STARD13: variants seen among roughly 807,000 people sequenced by gnomAD.
STARD13 encodes the protein stAR-related lipid transfer protein 13.
STARD13 carries 62 observed loss-of-function variants against 106.4 expected under a neutral mutation model. The ratio of observed to expected loss-of-function variants is 0.58; its 90% confidence interval spans 0.48 to 0.72. STARD13 has a LOEUF of 0.72. Ranked by LOEUF, STARD13 falls within the 30% of genes least tolerant of loss-of-function variation. The pLI is 0.00. For synonymous variants in STARD13, 565 were observed against 553.0 expected (o/e 1.02, Z -0.31); for missense variants, 1,387 against 1,424.0 (o/e 0.97, Z 0.42).
At chr13:33,127,950 G>A (rs903944914) in intron 5 of STARD13, among the ~76,000 whole-genome samples, 2 of 151,928 alleles carry the variant, frequency 1.3e-5, no homozygotes, top group African/African-American at 4.8e-5. Context: ...GACGGAGACA[G>A]GGAGATATAG....
At chr13:33,315,971 G>A (rs896656940) in intron 1 of STARD13, among the ~76,000 whole-genome samples, 7 of 151,990 alleles carry the variant, frequency 4.6e-5, no homozygotes, top group East Asian at 1.9e-4. Flanking sequence ...CTGTGTTGTC[G>A]TGCATTCTAC....
chr13:33,515,876 T>A, the STARD13 span, among the ~76,000 whole-genome samples: 2 of 152,060 alleles, frequency 1.3e-5, no homozygotes, highest in Non-Finnish European at 2.9e-5. Flanking sequence ...AGACAGCCCT[T>A]CTTCATCTCC....
At chr13:33,166,494 C>T (rs917997218) in intron 2 of STARD13, among the ~76,000 whole-genome samples, 13 of 152,130 alleles carry the variant, frequency 8.5e-5, no homozygotes, top group Middle Eastern at 3.2e-3. Flanking sequence ...CACCGTTCCT[C>T]GTGGCCACCC....
Position 33,127,369 on chromosome 13 carries a change from G to A in STARD13, c.1922+4C>T, listed in dbSNP as rs779905922. On this transcript the variant is annotated splice_donor_region_variant and intron_variant, in intron 6 of 13. Coordinates refer to ENST00000336934, the MANE Select transcript of STARD13 (RefSeq NM_178006.4). ...ATCCCCTCCTAGGTGAATGTGCTAC[G>A]CACCATGTCCAGCCGTGCTTGTTGG... 8.2e-6 allele frequency: 13 copies of A among 1,585,122 alleles called. No individual in the cohort carries two copies. Among genetic ancestry groups the A allele is most frequent in the Middle Eastern group, 1.7e-4 (1 of 5,964 alleles).
At chr13:33,424,798 C>G in the STARD13 span, among the ~76,000 whole-genome samples, 269 of 152,216 alleles carry the variant, frequency 1.8e-3, no homozygotes, top group African/African-American at 6.3e-3. Flanking sequence ...ATGTAGAAGT[C>G]CAATTCATCT....
At chr13:33,538,807 T>G in the STARD13 span, among the ~76,000 whole-genome samples, 1 of 151,722 alleles carries the variant, frequency 6.6e-6, no homozygotes, top group Non-Finnish European at 1.5e-5. Flanking sequence ...TCTGGCTCTG[T>G]GACCCAGGCT....
chr13:33,416,292 A>G, the STARD13 span, among the ~76,000 whole-genome samples: 1 of 152,236 alleles, frequency 6.6e-6, no homozygotes, highest in Non-Finnish European at 1.5e-5. Context: ...CAAAAACTAT[A>G]TAATGTGCTG....
intron 1 of STARD13, among the ~76,000 whole-genome samples, chr13:33,335,553 T>C (rs2077886204): frequency 6.6e-6 from 1 of 152,360 alleles, no homozygotes; most frequent in Admixed American, 6.5e-5. Flanking sequence ...GTAGTGGGTA[T>C]GTGCCTTGCA....
intron 1 of STARD13, among the ~76,000 whole-genome samples, chr13:33,218,626 A>T (rs1384365301): frequency 6.6e-6 from 1 of 152,168 alleles, no homozygotes; most frequent in Admixed American, 6.5e-5. Context: ...TGCCTATTTC[A>T]CTTCATTTGT....
At chr13:33,344,833 G>A (rs2078001347), downstream of STARD13, among the ~76,000 whole-genome samples, 1 of 152,128 alleles carries the variant, frequency 6.6e-6, no homozygotes, top group African/African-American at 2.4e-5. Flanking sequence ...GAGTATAATG[G>A]AATCAAACAT....
chr13:33,493,661 C>T, the STARD13 span, among the ~76,000 whole-genome samples: 2 of 152,086 alleles, frequency 1.3e-5, no homozygotes, highest in Non-Finnish European at 2.9e-5. Flanking sequence ...CATAAAATTG[C>T]TCTAAAAATT....
intron 7 of STARD13, among the ~76,000 whole-genome samples, chr13:33,123,566 T>C (rs755821068): frequency 2.6e-4 from 39 of 152,182 alleles, no homozygotes; most frequent in Non-Finnish European, 4.6e-4. Context: ...AGGGCAGAAA[T>C]AAAAGCTCAG....
At chr13:33,167,450 G>T in intron 2 of STARD13, 101 bp downstream of exon 2, 1 of 1,215,006 alleles carries the variant, frequency 8.2e-7, no homozygotes, top group Non-Finnish European at 1.2e-6. Context: ...AAGCAAAATG[G>T]GCGAGAAAAA....
the STARD13 span, among the ~76,000 whole-genome samples, chr13:33,639,365 G>A: frequency 8.5e-5 from 13 of 152,196 alleles, no homozygotes; most frequent in Admixed American, 5.9e-4. Context: ...TCTGGGAGAC[G>A]GATGATTCAA....
At chr13:33,648,794 T>C in the STARD13 span, among the ~76,000 whole-genome samples, 22 of 143,258 alleles carry the variant, frequency 1.5e-4, no homozygotes, top group Admixed American at 1.3e-3. Context: ...TTTTTTTTTT[T>C]TTTTTTTTTT....
In STARD13 at chr13:33,182,696, G is replaced by A. The variant is rs370074093; in HGVS notation, c.170-15074C>T. On this transcript the variant is annotated intron_variant, in intron 1 of 13. Coordinates refer to ENST00000336934, the MANE Select transcript of STARD13 (RefSeq NM_178006.4). ...CCTGGGCTGCATGCGGCCTGGGGCC[G>A]TGGGCTGGACGAGCTTGGTTTAGAC... is the stretch of plus-strand genomic sequence containing the variant. Among the ~76,000 whole-genome samples the A allele has an allele frequency of 3.9e-5, 6 of 152,260 alleles. No homozygotes were observed. In the East Asian group the frequency reaches 7.7e-4, roughly 20 times the overall value.
chr13:33,257,473 T>A (rs1368790600), intron 1 of STARD13, among the ~76,000 whole-genome samples: 1 of 152,188 alleles, frequency 6.6e-6, no homozygotes, highest in Non-Finnish European at 1.5e-5. Context: ...TTTACCTATC[T>A]ATCTAGGGAA....
chr13:33,170,776 C>T (rs1035157007), intron 1 of STARD13, among the ~76,000 whole-genome samples: 2 of 152,162 alleles, frequency 1.3e-5, no homozygotes, highest in Non-Finnish European at 2.9e-5. Flanking sequence ...GCTGCAGTCC[C>T]AACATCTTGA....
chr13:33,135,206 A>C (rs1593929871), intron 4 of STARD13, among the ~76,000 whole-genome samples: 1 of 152,264 alleles, frequency 6.6e-6, no homozygotes. Flanking sequence ...AGACAGTGCT[A>C]CTCAGAGTGT....
Sources: allele counts gnomAD v4.1 joint callset (sites outside exome capture counted in the v4.1 genomes callset), GRCh38; gene constraint gnomAD v4.1.1; transcripts MANE v1.5; gene names NCBI Gene and HGNC (gene_info 2026-07-23, HGNC 2026-07-21).